Variants in PTPRH observed in about 807,000 individuals in gnomAD.
PTPRH encodes the protein receptor-type tyrosine-protein phosphatase H.
PTPRH carries 113 observed loss-of-function variants against 130.2 expected under a neutral mutation model. That is an observed-to-expected ratio of 0.87 (90% CI 0.75 to 1.01). The LOEUF is 1.01. Among genes scored for constraint, PTPRH ranks in the 50% least tolerant of loss-of-function variants. The pLI is 0.00. For missense variants in PTPRH, 1,430 were observed against 1,425.0 expected, an observed-to-expected ratio of 1.00 and a Z score of -0.06; for synonymous variants, 556 against 577.9, an observed-to-expected ratio of 0.96 and a Z score of 0.54.
In PTPRH at chr19:55,205,358, T is replaced by C. The variant is rs767667057; in HGVS notation, c.587A>G (p.Asn196Ser). 6.2e-7 allele frequency: 1 copy of C among 1,614,190 alleles called. No individual in the cohort carries two copies. Among genetic ancestry groups the C allele is most frequent in the Non-Finnish European group, 8.5e-7 (1 of 1,180,020 alleles). ...FSMWVGKNGINSSRETRNATT... is the reference protein window; with the variant it reads ...FSMWVGKNGISSSRETRNATT... ...GGCATTTCGAGTCTCCCGGGAGCTG[T>C]TGATTCCATTCTTTCCCACCCACAT... The change falls in exon 4 of 20, where the codon AAC becomes AGC. Residue 196 changes from asparagine to serine, a missense_variant. Physicochemically the swap from Asn to Ser is conservative, Grantham distance 46 (BLOSUM62 1). Coordinates refer to ENST00000376350, the MANE Select transcript of PTPRH (RefSeq NM_002842.5).
chr19:55,193,567 T>G (rs2086601784), intron 10 of PTPRH, among the ~76,000 whole-genome samples: 1 of 152,142 alleles, frequency 6.6e-6, no homozygotes, highest in South Asian at 2.1e-4. Context: ...TGTCACAGCT[T>G]GGAAGTGGGA....
chr19:55,188,621 T>A (rs2086437109), intron 12 of PTPRH, among the ~76,000 whole-genome samples: 1 of 152,246 alleles, frequency 6.6e-6, no homozygotes, highest in South Asian at 2.1e-4. Context: ...CCTGTCATCC[T>A]ATCACCATGG....
chr19:55,197,367 T>C lies in PTPRH; in HGVS notation c.1740A>G (p.Ser580=). Residue 580 remains serine, a synonymous_variant, in exon 9 of 20, where the codon TCA becomes TCG. Transcript: ENST00000376350. ...CAGGGGCCTTCCACCACAGCATGAC[T>C]GAGTTCTTAGTCTGAGTTTCATTCT... The part of the protein sequence containing the change: ...DLQNETQTKN[S]VMLWWKAPGD... 6.2e-7 allele frequency: 1 copy of C among 1,614,118 alleles called. No individual in the cohort carries two copies. Among genetic ancestry groups the C allele is most frequent in the Non-Finnish European group, 8.5e-7 (1 of 1,179,940 alleles).
chr19:55,185,614 A>G lies in PTPRH; in HGVS notation c.2950T>C (p.Trp984Arg). 1 of 1,614,242 alleles carries G rather than the reference A, an allele frequency of 6.2e-7. No individual in the cohort carries two copies. Among genetic ancestry groups the G allele is most frequent in the Non-Finnish European group, 8.5e-7 (1 of 1,180,038 alleles). Residue 984 changes from tryptophan to arginine, a missense_variant, in exon 18 of 20, where the codon TGG becomes CGG. By Grantham distance (101) the Trp-to-Arg change is moderately radical. Transcript: ENST00000376350. ...LSVRQFHYQAWPDHGVPSSPD... is the reference protein window; with the variant it reads ...LSVRQFHYQARPDHGVPSSPD... ...GAGGAGGGAACGCCGTGATCCGGCC[A>G]GGCCTGGTAGTGGAATTGGCGCACA...
At chr19:55,203,684 A>G (rs1680053439) in intron 5 of PTPRH, 98 bp downstream of exon 5, 1 of 1,400,550 alleles carries the variant, frequency 7.1e-7, no homozygotes, top group Non-Finnish European at 9.6e-7. Flanking sequence ...CTGTGTTTCT[A>G]TTGGACTAAA....
rs202008932 is a variant in PTPRH, at chr19:55,186,226, C to T, written c.2777G>A (p.Arg926Gln). The change falls in exon 16 of 20, where the codon CGG becomes CAG. Residue 926 changes from arginine (R) to glutamine (Q), a missense_variant and splice_region_variant. Arg to Gln is a conservative substitution (Grantham distance 43). Transcript: ENST00000376350. ...VMLTNCMEAG[R>Q]VKCEHYWPLD... ...GCACCCAGGACTCAGATCTCTCACCCGGCCGGCCTCCATGCAGTTGGTCAG... is the reference window on the plus strand; with the variant it reads ...GCACCCAGGACTCAGATCTCTCACCTGGCCGGCCTCCATGCAGTTGGTCAG... 5.7e-5 allele frequency: 91 copies of T among 1,607,212 alleles called. No individual in the cohort carries two copies. Among genetic ancestry groups the T allele is most frequent in the East Asian group, 4.0e-4 (18 of 44,718 alleles).
At position 55,181,430 on chromosome 19, in the gene PTPRH, CTCCAG is replaced by C; in HGVS notation, c.*319_*323del. ...GCCTTTGGTCCTCAAGTAGCCAGAA[CTCCAG>C]ACCCAAATTCCTTCCTGCCTCAGAA... On this transcript the variant is annotated 3_prime_UTR_variant, in exon 20 of 20. Coordinates refer to ENST00000376350, the MANE Select transcript of PTPRH (RefSeq NM_002842.5). 1 of 284,472 alleles carries C rather than the reference CTCCAG, an allele frequency of 3.5e-6. No individual in the cohort carries two copies. Among genetic ancestry groups the C allele is most frequent in the South Asian group, 6.9e-5 (1 of 14,398 alleles). 17.6% of individuals were successfully genotyped at this position (284,472 alleles called of 1,614,324 possible).
intron 18 of PTPRH, among the ~76,000 whole-genome samples, chr19:55,183,814 C>A (rs928179183): frequency 1.3e-5 from 2 of 152,216 alleles, no homozygotes; most frequent in Non-Finnish European, 2.9e-5. Context: ...AAAACACTTT[C>A]ATCACCCCTA....
intron 10 of PTPRH, among the ~76,000 whole-genome samples, chr19:55,193,227 CAAAA>C (rs34071809): frequency 8.1e-6 from 1 of 124,140 alleles, no homozygotes; most frequent in Non-Finnish European, 1.7e-5. Context: ...GACTCTGTCT[CAAAA>C]AAAAAAAAAA....
intron 4 of PTPRH, among the ~76,000 whole-genome samples, chr19:55,204,585 T>TC (rs972716818): frequency 1.7e-4 from 26 of 151,784 alleles, no homozygotes; most frequent in African/African-American, 5.3e-4. Flanking sequence ...GAGACTGCAC[T>TC]CCCCCCCACC....
At chr19:55,205,280 G>A (rs370321538) in intron 4 of PTPRH, 46 bp downstream of exon 4, 2 of 1,609,390 alleles carry the variant, frequency 1.2e-6, no homozygotes, top group African/African-American at 1.3e-5. Flanking sequence ...CCTGCCTACT[G>A]CCCCTTAAAC....
intron 18 of PTPRH, among the ~76,000 whole-genome samples, chr19:55,183,938 T>C (rs2147365077): frequency 6.6e-6 from 1 of 152,244 alleles, no homozygotes; most frequent in Non-Finnish European, 1.5e-5. Flanking sequence ...TAGATATGCT[T>C]CTGGATATGC....
At chr19:55,207,645 A>G (rs1397670871) in intron 1 of PTPRH, among the ~76,000 whole-genome samples, 1 of 57,442 alleles carries the variant, frequency 1.7e-5, no homozygotes, top group Admixed American at 2.0e-4. Flanking sequence ...GAGGGAGGAG[A>G]GGTTGGGGGC....
At chr19:55,186,579 C>T in intron 14 of PTPRH, 39 bp from the exon 15 acceptor site, 3 of 1,603,142 alleles carry the variant, frequency 1.9e-6, no homozygotes, top group Non-Finnish European at 2.6e-6. Context: ...CAGAGAGACC[C>T]AGAGAGGCAC....
chr19:55,206,725 C>T lies in PTPRH; in HGVS notation c.316G>A (p.Val106Ile), dbSNP rs752614258. 11 of 1,612,528 alleles carry T rather than the reference C, an allele frequency of 6.8e-6. No homozygotes were observed. In the South Asian group the frequency reaches 9.9e-5, roughly 14 times the overall value. The change falls in exon 3 of 20, where the codon GTA (valine) becomes ATA (isoleucine). Residue 106 changes from valine to isoleucine, a missense_variant. Physicochemically the swap from Val to Ile is conservative, Grantham distance 29 (BLOSUM62 3). Coordinates refer to ENST00000376350, the MANE Select transcript of PTPRH (RefSeq NM_002842.5). ...GTGACAGTCCCCACAGAGCTATTTA[C>T]TCCGTCTTTCTCCACCCACACAGAA... ...TCSVWVEKDG[V>I]NSSVGTVTTA...
chr19:55,209,388 G>T lies in PTPRH; in HGVS notation c.46C>A (p.Leu16Met), dbSNP rs1200508829. The T allele has an allele frequency of 1.9e-6, 3 of 1,561,994 alleles. No homozygotes were observed. Among genetic ancestry groups the T allele is most frequent in the Admixed American group, 1.9e-5 (1 of 51,992 alleles). The change falls in exon 1 of 20, where the codon CTG (leucine) becomes ATG (methionine). Residue 16 changes from leucine to methionine, a missense_variant. Coordinates refer to ENST00000376350, the MANE Select transcript of PTPRH (RefSeq NM_002842.5). This position sits in a 1 kb window ranked among gnomAD's most constrained non-coding sequence, Gnocchi z 4.1. The part of the protein sequence containing the change: ...GGLGVWGNLV[L>M]LGLCSWTGAR... ...TCTGGGCGGGGAGCACTTACCAGCA[G>T]CACCAGGTTCCCCCAGACCCCGAGG...
chr19:55,203,686 T>G, intron 5 of PTPRH, 96 bp downstream of exon 5: 1 of 1,408,462 alleles, frequency 7.1e-7, no homozygotes, highest in Non-Finnish European at 9.5e-7. Context: ...GTGTTTCTAT[T>G]GGACTAAAGA....
chr19:55,206,998 C>T, intron 2 of PTPRH, 43 bp from the exon 3 acceptor site: 1 of 1,556,448 alleles, frequency 6.4e-7, no homozygotes, highest in South Asian at 1.2e-5. Flanking sequence ...GGAACCAGGT[C>T]AGTACAATCC....
At chr19:55,204,714 A>G (rs1364209405) in intron 4 of PTPRH, among the ~76,000 whole-genome samples, 6 of 152,072 alleles carry the variant, frequency 3.9e-5, no homozygotes, top group Non-Finnish European at 7.4e-5. Flanking sequence ...GCGCTTTCCA[A>G]CTGAGCTTCT....
Sources: gnomAD v4.1 joint callset for allele counts (sites outside exome capture counted in the v4.1 genomes callset) on GRCh38, gnomAD v4.1.1 for gene constraint, Gnocchi (gnomAD v3.1) non-coding constraint, MANE v1.5 for transcripts, NCBI Gene and HGNC (gene_info 2026-07-23, HGNC 2026-07-21) for gene names.